RABL6: variants seen among roughly 807,000 people sequenced by gnomAD.
RABL6 encodes the protein rab-like protein 6.
Under a neutral mutation model 72.9 loss-of-function variants are expected in RABL6, and 28 were observed. The ratio of observed to expected loss-of-function variants is 0.38; its 90% CI spans 0.28 to 0.53. The LOEUF (loss-of-function observed/expected upper bound fraction) is 0.53, where lower values mean the gene tolerates loss of function less well. Ranked by LOEUF, RABL6 falls within the 20% of genes least tolerant of loss-of-function variation. The pLI is 0.80. For synonymous variants in RABL6, 477 were observed against 421.2 expected (o/e 1.13, Z -1.62); for missense variants, 1,029 against 1,008.4 (o/e 1.02, Z -0.28).
intron 8 of RABL6, chr9:136,837,103 C>T (rs1848596750): frequency 3.1e-6 from 2 of 652,484 alleles, no homozygotes; most frequent in East Asian, 2.8e-5. Context: ...TCTCCACCTC[C>T]TGACCTCGTG....
chr9:136,837,490 G>T lies in RABL6; in HGVS notation c.954G>T (p.Gln318His). 3.3e-6 allele frequency: 5 copies of T among 1,534,762 alleles called. No individual in the cohort carries two copies. The highest frequency in any genetic ancestry group is 1.2e-5 in the South Asian group (1 of 84,088). The change falls in exon 9 of 15, where the codon CAG becomes CAT. Residue 318 changes from glutamine (Q) to histidine (H), a missense_variant. This residue lies in a region of RABL6 where 434 missense variants were observed against 536.1 expected (regional missense o/e 0.81). Transcript: ENST00000311502. ...STGSSSPGTP[Q>H]PAPQLPLNAA... The stretch of plus-strand genomic sequence containing the variant: ...GGAGCTCCAGCCCCGGCACACCCCA[G>T]CCCGCCCCACAGCTGCCCCTCAATG...
intron 13 of RABL6, 33 bp downstream of exon 13, chr9:136,839,898 C>G: frequency 6.3e-7 from 1 of 1,597,414 alleles, no homozygotes; most frequent in Non-Finnish European, 8.5e-7. Context: ...GGTCAGCCTG[C>G]TGGAGTTTGG....
At chr9:136,825,007 TC>T (rs139287247) in intron 2 of RABL6, among the ~76,000 whole-genome samples, 4,553 of 152,274 alleles carry the variant, frequency 0.03, 181 homozygotes, top group African/African-American at 0.094. Flanking sequence ...GGTTCTCCCT[TC>T]CCCTTGGAAT....
At chr9:136,808,467 C>G in intron 1 of RABL6, 141 bp downstream of exon 1, 1 of 922,718 alleles carries the variant, frequency 1.1e-6, no homozygotes, top group African/African-American at 1.8e-5. Flanking sequence ...GCTCCGGGAG[C>G]GGGGGCGCGG....
intron 5 of RABL6, chr9:136,830,869 C>G (rs746031994): frequency 6.5e-6 from 1 of 152,894 alleles, no homozygotes; most frequent in Non-Finnish European, 1.5e-5. Context: ...TGTCTGGAGC[C>G]CCTGGTGCCC....
rs1048470392 is a variant in RABL6, at chr9:136,807,965, C to G, written c.-232C>G. On this transcript the variant is annotated 5_prime_UTR_variant, in exon 1 of 15. Coordinates refer to ENST00000311502, the MANE Select transcript of RABL6 (RefSeq NM_024718.5). Reference sequence around the variant, plus strand: ...CGGCGCCAAGATGGCGGCGCTGACTCCTGGAGAGCGGTCGCGCCGGAGGCC... The same window carrying G: ...CGGCGCCAAGATGGCGGCGCTGACTGCTGGAGAGCGGTCGCGCCGGAGGCC... 8.0e-6 allele frequency: 8 copies of G among 1,002,820 alleles called. No homozygotes were observed. In the Admixed American group the frequency reaches 3.0e-4, roughly 38 times the overall value. The allele number at this position is 1,002,820 out of a possible 1,614,324, so 62.1% of individuals were successfully genotyped here. A position where few individuals can be genotyped will look rare whatever the true frequency, so the allele number is the denominator to read the frequency against.
At chr9:136,832,692 C>T (rs927524306) in intron 7 of RABL6, 12 of 388,322 alleles carry the variant, frequency 3.1e-5, no homozygotes, top group South Asian at 1.1e-4. Context: ...AGTGCAGTGG[C>T]GCAATCATGG....
At chr9:136,838,077 C>A (rs531944742) in intron 10 of RABL6, 62 bp downstream of exon 10, 4 of 1,537,256 alleles carry the variant, frequency 2.6e-6, no homozygotes, top group Non-Finnish European at 3.5e-6. Context: ...GCCCGAGCAG[C>A]AGGTGGGGCT....
At position 136,840,426 on chromosome 9, in the gene RABL6, C is replaced by T. The variant is rs983985313; in HGVS notation, c.2094C>T (p.Ser698=). Residue 698 remains serine (S), a synonymous_variant, in exon 15 of 15, where the codon AGC becomes AGT. Coordinates refer to ENST00000311502, the MANE Select transcript of RABL6 (RefSeq NM_024718.5). ...GGCGGCAGCAGCGGCCCCCGCGCAG[C>T]AGGGAGAGGACGGCTGCCGATGAGC... is the stretch of plus-strand genomic sequence containing the variant. ...RRRRQQRPPR[S]RERTAADELE... The T allele has an allele frequency of 3.4e-5, 53 of 1,549,614 alleles. No homozygotes were observed. In the African/African-American group the frequency reaches 6.2e-4, roughly 18 times the overall value.
At chr9:136,825,966 C>T (rs1379955859) in intron 3 of RABL6, 140 bp downstream of exon 3, 2 of 1,032,760 alleles carry the variant, frequency 1.9e-6, no homozygotes, top group Non-Finnish European at 2.9e-6. Context: ...CTCTGCTCCC[C>T]TCCACATCCA....
At chr9:136,834,766 C>T (rs1416741094) in intron 7 of RABL6, among the ~76,000 whole-genome samples, 1 of 152,046 alleles carries the variant, frequency 6.6e-6, no homozygotes, top group African/African-American at 2.4e-5. Flanking sequence ...GTGTGAGCCA[C>T]CACGCCCAGC....
intron 5 of RABL6, 47 bp from the exon 6 acceptor site, chr9:136,831,674 G>GGC: frequency 6.2e-7 from 1 of 1,607,022 alleles, no homozygotes; most frequent in Non-Finnish European, 8.5e-7. Context: ...GGAGGGACAG[G>GGC]GCGTCGCAGG....
chr9:136,813,090 A>G lies in RABL6; in HGVS notation c.130+4764A>G, dbSNP rs79271843. The G allele has an allele frequency of 6.0e-3, 2,328 of 388,398 alleles. 48 individuals are homozygous for G. Among genetic ancestry groups the G allele is most frequent in the African/African-American group, 0.046 (2,150 of 47,106 alleles). 24.1% of individuals were successfully genotyped at this position (388,398 alleles called of 1,614,324 possible). On this transcript the variant is annotated intron_variant, in intron 1 of 14. Coordinates refer to ENST00000311502, the MANE Select transcript of RABL6 (RefSeq NM_024718.5). ...CCTGGTTGGTGACTACCCTTGCCCA[A>G]CAAAGCTGTCGAATGACTAAAGCCT...
intron 7 of RABL6, 96 bp downstream of exon 7, chr9:136,832,466 G>T: frequency 9.9e-7 from 1 of 1,011,964 alleles, no homozygotes; most frequent in Non-Finnish European, 1.6e-6. Flanking sequence ...TAACCCCTGA[G>T]AAAGCTGTGG....
intron 1 of RABL6, among the ~76,000 whole-genome samples, chr9:136,815,718 T>A (rs1433563033): frequency 6.6e-6 from 1 of 152,186 alleles, no homozygotes; most frequent in Non-Finnish European, 1.5e-5. Flanking sequence ...CCTTCATGCA[T>A]CTGAGATAAA....
intron 1 of RABL6, among the ~76,000 whole-genome samples, chr9:136,818,282 G>A (rs1848161176): frequency 6.9e-6 from 1 of 144,172 alleles, no homozygotes; most frequent in South Asian, 2.2e-4. Context: ...AGAATGGCGT[G>A]AACCCAGGAG....
intron 1 of RABL6, 125 bp from the exon 2 acceptor site, chr9:136,823,400 C>G: frequency 7.5e-7 from 1 of 1,331,088 alleles, no homozygotes; most frequent in Non-Finnish European, 1.0e-6. Context: ...GTCACCTGGT[C>G]TGATTCTAGC....
intron 10 of RABL6, among the ~76,000 whole-genome samples, chr9:136,838,656 A>G (rs1157632005): frequency 6.6e-6 from 1 of 152,114 alleles, no homozygotes; most frequent in African/African-American, 2.4e-5. Flanking sequence ...ACGAGCGCCC[A>G]CTTGTGCGGC....
intron 7 of RABL6, 88 bp downstream of exon 7, chr9:136,832,458 A>G (rs1212474747): frequency 9.3e-7 from 1 of 1,078,516 alleles, no homozygotes; most frequent in Admixed American, 1.8e-5. Context: ...CTCCCTCCTA[A>G]CCCCTGAGAA....
Sources: gnomAD v4.1 joint callset for allele counts (sites outside exome capture counted in the v4.1 genomes callset) on GRCh38, gnomAD v4.1.1 for gene constraint, gnomAD v4.1.1 regional missense constraint, MANE v1.5 for transcripts, NCBI Gene and HGNC (gene_info 2026-07-23, HGNC 2026-07-21) for gene names.